Variants in ATAD1 observed in about 807,000 individuals in gnomAD.
ATAD1 encodes the protein outer mitochondrial transmembrane helix translocase.
Under a neutral mutation model 42.7 loss-of-function variants are expected in ATAD1, and 18 were observed. The ratio of observed to expected loss-of-function variants is 0.42; its 90% CI spans 0.29 to 0.63. The LOEUF is 0.63. Ranked by LOEUF, ATAD1 falls within the 20% of genes least tolerant of loss-of-function variation. The probability of loss-of-function intolerance (pLI) is 0.19; values close to 1 mark genes in which losing one functional copy is unlikely to be tolerated. For missense variants in ATAD1, 294 were observed against 440.4 expected (o/e 0.67, Z 2.98); for synonymous variants, 132 against 143.1 (o/e 0.92, Z 0.55).
At chr10:87,780,242 C>A (rs961518800) in intron 5 of ATAD1, among the ~76,000 whole-genome samples, 6 of 152,056 alleles carry the variant, frequency 3.9e-5, no homozygotes, top group African/African-American at 1.4e-4. Context: ...CCAACTGTAA[C>A]ATTACAGAAA....
intron 5 of ATAD1, among the ~76,000 whole-genome samples, chr10:87,783,429 CA>C (rs1855666775): frequency 6.6e-6 from 1 of 151,170 alleles, no homozygotes; most frequent in South Asian, 2.1e-4. Flanking sequence ...AGATGCACAC[CA>C]AAACACCAAA....
intron 5 of ATAD1, among the ~76,000 whole-genome samples, chr10:87,781,069 T>C (rs1855538155): frequency 1.3e-5 from 2 of 152,158 alleles, no homozygotes; most frequent in Admixed American, 1.3e-4. Flanking sequence ...CCTGAAGTTC[T>C]AAGCTGAGGA....
Position 87,818,180 on chromosome 10 carries a change from C to A in ATAD1, c.-27G>T. On this transcript the variant is annotated 5_prime_UTR_variant, in exon 1 of 10. Transcript: ENST00000680024. Reference sequence around the variant, plus strand: ...CCAGCTACTCACCCAGGGGCAGAAACAGCAAGAGCAAGTGCCCTCAGCCGG... The same window carrying A: ...CCAGCTACTCACCCAGGGGCAGAAAAAGCAAGAGCAAGTGCCCTCAGCCGG... The A allele has an allele frequency of 1.0e-6, 1 of 985,696 alleles. No individual in the cohort carries two copies. The allele number at this position is 985,696 out of a possible 1,614,324, so 61.1% of individuals were successfully genotyped here. A position where few individuals can be genotyped will look rare whatever the true frequency, so the allele number is the denominator to read the frequency against.
intron 3 of ATAD1, 116 bp downstream of exon 3, chr10:87,792,541 A>C: frequency 1.4e-6 from 1 of 707,944 alleles, no homozygotes; most frequent in Admixed American, 2.7e-5. Flanking sequence ...GCCGAGTCTT[A>C]TGATTCAGCC....
At chr10:87,771,664 T>A (rs755929030) in intron 6 of ATAD1, among the ~76,000 whole-genome samples, 3 of 151,328 alleles carry the variant, frequency 2.0e-5, no homozygotes, top group Non-Finnish European at 4.4e-5. Flanking sequence ...TAAGCAAACA[T>A]CAAAATGCTG....
chr10:87,811,203 C>T lies in ATAD1; in HGVS notation c.162+3235G>A, dbSNP rs114294400. 4.6e-3 allele frequency among the ~76,000 whole-genome samples: 693 copies of T among 152,162 alleles called. 5 individuals are homozygous for T. The highest frequency in any genetic ancestry group is 0.016 in the African/African-American group (666 of 41,498). The stretch of plus-strand genomic sequence containing the variant: ...CAAAAATTAGCCACGTGTGGTTGCA[C>T]ACTTCTGTAATCCCAGCTACTCCGG... On this transcript the variant is annotated intron_variant, in intron 2 of 9. Transcript: ENST00000680024.
intron 2 of ATAD1, among the ~76,000 whole-genome samples, chr10:87,805,320 A>C (rs531429483): frequency 6.6e-6 from 1 of 152,318 alleles, no homozygotes; most frequent in East Asian, 1.9e-4. Context: ...TGAATCACAC[A>C]GTCATTACTT....
At chr10:87,800,805 C>T (rs569828569) in intron 2 of ATAD1, among the ~76,000 whole-genome samples, 16 of 152,200 alleles carry the variant, frequency 1.1e-4, no homozygotes, top group East Asian at 3.9e-4. Flanking sequence ...AAATAAACTG[C>T]GTTTCTAAAA....
At chr10:87,764,301 A>G (rs942035105) in intron 8 of ATAD1, among the ~76,000 whole-genome samples, 2 of 152,102 alleles carry the variant, frequency 1.3e-5, no homozygotes, top group African/African-American at 4.8e-5. Context: ...CTCTATGAAA[A>G]AATACAAAAA....
chr10:87,772,895 T>G (rs1235893668), intron 6 of ATAD1, among the ~76,000 whole-genome samples: 1 of 152,108 alleles, frequency 6.6e-6, no homozygotes, highest in African/African-American at 2.4e-5. Flanking sequence ...TGACAGTAAT[T>G]TTTTACTACT....
chr10:87,808,656 C>T (rs1274561344), intron 2 of ATAD1, among the ~76,000 whole-genome samples: 3 of 152,254 alleles, frequency 2.0e-5, no homozygotes, highest in South Asian at 2.1e-4. Flanking sequence ...GCCTTTTCTG[C>T]ATTTATTGGG....
chr10:87,772,342 G>A (rs1227532522), intron 6 of ATAD1, among the ~76,000 whole-genome samples: 1 of 151,642 alleles, frequency 6.6e-6, no homozygotes, highest in African/African-American at 2.4e-5. Flanking sequence ...GAAACCTCTG[G>A]GCTCAAGCGA....
At chr10:87,840,009 A>T (rs1858003037) in intron 1 of ATAD1, among the ~76,000 whole-genome samples, 1 of 152,218 alleles carries the variant, frequency 6.6e-6, no homozygotes, top group African/African-American at 2.4e-5. Flanking sequence ...ATTTAGGAAT[A>T]AAAAGATTAT....
chr10:87,818,886 C>T (rs950012326), upstream of ATAD1: 1 of 152,250 alleles, frequency 6.6e-6, no homozygotes, highest in African/African-American at 2.4e-5. Flanking sequence ...TTTCTTTCAC[C>T]CCTTTTCCTT....
intron 8 of ATAD1, among the ~76,000 whole-genome samples, chr10:87,761,694 A>G (rs1195226823): frequency 6.6e-6 from 1 of 152,102 alleles, no homozygotes; most frequent in African/African-American, 2.4e-5. Context: ...ATATAATCCT[A>G]AAAGAATTTC....
In ATAD1 at chr10:87,797,530, TAG is replaced by T. The variant is rs139055157; in HGVS notation, c.163-4777_163-4776del. ...GAACAAAGACACCACTCACCCCTTT[TAG>T]AGTGTTCTGTTTTCCTTGTGGAGTT... is the stretch of plus-strand genomic sequence containing the variant. On this transcript the variant is annotated intron_variant, in intron 2 of 9. Transcript: ENST00000680024. Among the ~76,000 whole-genome samples, 1,114 of 152,322 alleles carry T rather than the reference TAG, an allele frequency of 7.3e-3. 9 individuals are homozygous for T. Among genetic ancestry groups the T allele is most frequent in the African/African-American group, 0.026 (1,066 of 41,562 alleles).
rs1191222733 is a variant in ATAD1 at position 87,831,185 on chromosome 10, A to G, written c.-14+10002T>C. On this transcript the variant is annotated intron_variant, in intron 1 of 4. Coordinates refer to the ATAD1 transcript ENST00000495903. ...AGGAACTAGGACAGACACCATAAACATTTTAGAAATGACTGTGTTTGTTGT... is the reference window on the plus strand; with the variant it reads ...AGGAACTAGGACAGACACCATAAACGTTTTAGAAATGACTGTGTTTGTTGT... Among the ~76,000 whole-genome samples the G allele has an allele frequency of 2.0e-5, 3 of 152,226 alleles. No individual in the cohort carries two copies. The South Asian group carries it at 6.2e-4, about 32-fold the overall frequency.
intron 6 of ATAD1, among the ~76,000 whole-genome samples, chr10:87,773,328 C>CA (rs1855140100): frequency 6.6e-6 from 1 of 152,176 alleles, no homozygotes; most frequent in Non-Finnish European, 1.5e-5. Flanking sequence ...TGTCATCAGT[C>CA]ACCAAGGTTT....
At position 87,753,179 on chromosome 10, in the gene ATAD1, C is replaced by T. The variant is rs1212056113; in HGVS notation, c.*1508G>A. On this transcript the variant is annotated 3_prime_UTR_variant, in exon 10 of 10. Coordinates refer to ENST00000680024, the MANE Select transcript of ATAD1 (RefSeq NM_001321967.2). ...TAGAATATAGTTATTAAAAATGGGA[C>T]ACTTTTTTTCATTTTTGGTATCTTG... is the stretch of plus-strand genomic sequence containing the variant. The T allele has an allele frequency of 6.6e-6, 1 of 152,010 alleles. No individual in the cohort carries two copies. The allele number at this position is 152,010 out of a possible 1,614,324, so 9.4% of individuals were successfully genotyped here.
Sources: gnomAD v4.1 joint callset for allele counts (sites outside exome capture counted in the v4.1 genomes callset) on GRCh38, gnomAD v4.1.1 for gene constraint, MANE v1.5 for transcripts, NCBI Gene and HGNC (gene_info 2026-07-23, HGNC 2026-07-21) for gene names.